Variants in PLOD1 observed in about 807,000 individuals in gnomAD.
PLOD1 encodes lysine hydroxylase.
A neutral mutation model predicts 94.7 loss-of-function variants in PLOD1; 70 were observed. The ratio of observed to expected loss-of-function variants is 0.74; its 90% CI spans 0.61 to 0.90. The LOEUF (loss-of-function observed/expected upper bound fraction) is 0.90. Among genes scored for constraint, PLOD1 ranks in the 40% least tolerant of loss-of-function variants. The pLI, the probability that PLOD1 is intolerant of heterozygous loss-of-function variation, is 0.00. For synonymous variants in PLOD1, 417 were observed against 400.2 expected, an observed-to-expected ratio of 1.04 and a Z score of -0.50; for missense variants, 905 against 972.7, an observed-to-expected ratio of 0.93 and a Z score of 0.93.
chr1:11,964,189 C>T lies in PLOD1; in HGVS notation c.1217C>T (p.Pro406Leu), dbSNP rs753623016. 84 of 1,613,726 alleles carry T rather than the reference C, an allele frequency of 5.2e-5. 2 individuals are homozygous for T. In the South Asian group the frequency reaches 7.2e-4, roughly 14 times the overall value. ...CCTTCCCTCAGGAACGTCATTGCCC[C>T]GCTGATGACCCGGCATGGGAGGCTG... ...LIQQNKNVIA[P>L]LMTRHGRLWS... The change falls in exon 12 of 19, where the codon CCG becomes CTG. Residue 406 changes from proline (P) to leucine (L), a missense_variant. Pro to Leu is a moderately conservative substitution (Grantham distance 98). Transcript: ENST00000196061.
In PLOD1 at chr1:11,972,337, C is replaced by T. The variant is rs149937621; in HGVS notation, c.1903-535C>T. On this transcript the variant is annotated intron_variant, in intron 17 of 18. Coordinates refer to ENST00000196061, the MANE Select transcript of PLOD1 (RefSeq NM_000302.4). The surrounding 1 kb of genome is among the most constrained non-coding windows in gnomAD (Gnocchi z 4.6). ...CGCAATCTTGGCTCACTACAATCTC[C>T]GCCTCCCAGATTCAAGCGATTCTCC... 4.4e-3 allele frequency: 698 copies of T among 157,868 alleles called. 9 individuals are homozygous for T. Among genetic ancestry groups the T allele is most frequent in the East Asian group, 0.04 (217 of 5,480 alleles). 9.8% of individuals were successfully genotyped at this position (157,868 alleles called of 1,614,324 possible).
At chr1:11,962,839 G>A (rs1390527292) in intron 10 of PLOD1, among the ~76,000 whole-genome samples, 4 of 151,972 alleles carry the variant, frequency 2.6e-5, no homozygotes, top group South Asian at 2.1e-4. Flanking sequence ...TCAGGAGTTC[G>A]AGACCAGCCT....
At chr1:11,973,105 C>T (rs1038083823) in intron 18 of PLOD1, 108 bp downstream of exon 18, 10 of 1,163,062 alleles carry the variant, frequency 8.6e-6, no homozygotes, top group East Asian at 2.5e-5. Flanking sequence ...GTAACCAGTG[C>T]CAGAGAACCA....
intron 1 of PLOD1, among the ~76,000 whole-genome samples, chr1:11,945,401 G>A (rs1037158749): frequency 4.6e-5 from 7 of 150,834 alleles, no homozygotes; most frequent in Non-Finnish European, 5.9e-5. Flanking sequence ...CTCCAGCCTG[G>A]GCAACGGGAG....
chr1:11,961,449 G>T (rs1360496730), intron 10 of PLOD1, among the ~76,000 whole-genome samples: 1 of 152,206 alleles, frequency 6.6e-6, no homozygotes, highest in African/African-American at 2.4e-5. Context: ...AGACAGTCCA[G>T]ATCAAAGGTT....
intron 16 of PLOD1, among the ~76,000 whole-genome samples, chr1:11,967,417 G>T (rs181888643): frequency 1.3e-5 from 2 of 151,520 alleles, no homozygotes; most frequent in Admixed American, 6.6e-5. Flanking sequence ...GGAGGAAAGG[G>T]CCAAGGTGGG....
chr1:11,974,332 G>A (rs921733924), intron 18 of PLOD1, among the ~76,000 whole-genome samples: 1 of 152,076 alleles, frequency 6.6e-6, no homozygotes, highest in African/African-American at 2.4e-5. Flanking sequence ...ACAGGCGTGC[G>A]CTGCTACACC....
intron 6 of PLOD1, among the ~76,000 whole-genome samples, chr1:11,955,149 C>T (rs1198083877): frequency 6.6e-6 from 1 of 152,226 alleles, no homozygotes; most frequent in Non-Finnish European, 1.5e-5. Context: ...TGCTGGACCC[C>T]CTGCCCTGCA....
intron 4 of PLOD1, among the ~76,000 whole-genome samples, chr1:11,951,291 C>T (rs918782586): frequency 2.0e-5 from 3 of 151,956 alleles, no homozygotes; most frequent in South Asian, 2.1e-4. Context: ...CAAGGCCAGG[C>T]GCGGTGGCTC....
At chr1:11,942,107 T>C (rs11121843) in intron 1 of PLOD1, among the ~76,000 whole-genome samples, 40,455 of 151,672 alleles carry the variant, frequency 0.27, 7,800 homozygotes, top group African/African-American at 0.55. Flanking sequence ...CTCAGCCTTC[T>C]GAGTAGCTGG....
At chr1:11,950,737 T>C (rs552338586) in intron 4 of PLOD1, among the ~76,000 whole-genome samples, 30 of 151,802 alleles carry the variant, frequency 2.0e-4, no homozygotes, top group African/African-American at 7.0e-4. Flanking sequence ...AACCCAGGAG[T>C]CACTCCTGAC....
chr1:11,965,704 C>T, intron 14 of PLOD1, 111 bp downstream of exon 14: 1 of 692,896 alleles, frequency 1.4e-6, no homozygotes, highest in African/African-American at 1.7e-5. Flanking sequence ...CTGTAGGCCA[C>T]CTGCCACCCT....
At chr1:11,962,670 G>A (rs1645787221) in intron 10 of PLOD1, among the ~76,000 whole-genome samples, 1 of 152,118 alleles carries the variant, frequency 6.6e-6, no homozygotes, top group African/African-American at 2.4e-5. Context: ...GATTGCTTGA[G>A]CTGGGGAAGT....
intron 15 of PLOD1, 146 bp from the exon 16 acceptor site, chr1:11,966,841 C>A: frequency 1.5e-6 from 1 of 686,664 alleles, no homozygotes. Flanking sequence ...CCTCCTCCTC[C>A]CCACTCAGTC....
intron 2 of PLOD1, among the ~76,000 whole-genome samples, chr1:11,948,832 CCCTGCAGGGAGACGAGTAT>C (rs1645676209): frequency 6.6e-6 from 1 of 152,272 alleles, no homozygotes; most frequent in East Asian, 1.9e-4. Context: ...TGGGGCTGAG[CCCTGCAGGGAGACGAGTAT>C]CCTGAGTGCT....
chr1:11,960,857 T>G, intron 10 of PLOD1, 90 bp downstream of exon 10: 3 of 1,582,106 alleles, frequency 1.9e-6, no homozygotes, highest in Non-Finnish European at 2.6e-6. Flanking sequence ...TGACAGGAGT[T>G]CAGAAGGCTG....
chr1:11,971,929 T>A (rs138923374), intron 17 of PLOD1: 13 of 152,368 alleles, frequency 8.5e-5, no homozygotes, highest in African/African-American at 3.1e-4. Flanking sequence ...CGGAAACAAT[T>A]ACCTGGCTGG....
In PLOD1 at chr1:11,957,067, T is replaced by G; in HGVS notation, c.741+53T>G. 1.7e-6 allele frequency: 2 copies of G among 1,178,720 alleles called. No homozygotes were observed. The highest frequency in any genetic ancestry group is 1.2e-5 in the South Asian group (1 of 82,378). 73.0% of individuals were successfully genotyped at this position (1,178,720 alleles called of 1,614,324 possible). A position where few individuals can be genotyped will look rare whatever the true frequency, so the allele number is the denominator to read the frequency against. ...GTGGGAGGGGGCCAGAGCCCTAATT[T>G]CATTCTCACTGTGACCCCACAGTGT... is the stretch of plus-strand genomic sequence containing the variant. On this transcript the variant is annotated intron_variant, in intron 7 of 18. Transcript: ENST00000196061. This position sits in a 1 kb window ranked among gnomAD's most constrained non-coding sequence, Gnocchi z 4.1.
chr1:11,960,616 C>G (rs1645771088), intron 9 of PLOD1, 30 bp from the exon 10 acceptor site: 1 of 1,479,286 alleles, frequency 6.8e-7, no homozygotes, highest in Non-Finnish European at 9.4e-7. Context: ...CTCCTCACCC[C>G]CGCATCCCCT....
Sources: gnomAD v4.1 joint callset for allele counts (sites outside exome capture counted in the v4.1 genomes callset) on GRCh38, gnomAD v4.1.1 for gene constraint, Gnocchi (gnomAD v3.1) non-coding constraint, MANE v1.5 for transcripts, NCBI Gene and HGNC (gene_info 2026-07-23, HGNC 2026-07-21) for gene names.